The following CTNNA2 variants were observed in gnomAD, a reference collection of about 807,000 sequenced individuals.
CTNNA2 encodes the protein catenin alpha 2, also known as catenin alpha-2.
Under a neutral mutation model 101.0 loss-of-function variants are expected in CTNNA2, and 42 were observed. The ratio of observed to expected loss-of-function variants is 0.42; its 90% CI spans 0.32 to 0.54. The LOEUF is 0.54. Ranked by LOEUF, CTNNA2 falls within the 20% of genes least tolerant of loss-of-function variation. The probability of loss-of-function intolerance (pLI) is 0.14; values close to 1 mark genes in which losing one functional copy is unlikely to be tolerated. For missense variants in CTNNA2, 871 were observed against 1,223.1 expected (o/e 0.71, Z 4.29); for synonymous variants, 450 against 456.4 (o/e 0.99, Z 0.18).
chr2:79,192,462 A>G lies in CTNNA2; in HGVS notation c.-523-5497A>G, dbSNP rs144295997. On this transcript the variant is annotated intron_variant, in intron 1 of 21. Transcript: ENST00000466387. Reference sequence around the variant, plus strand: ...GGCCATGATGGTCTGGGTAGACATCAACTAACATGGAAAAGTCAAATATTT... The same window carrying G: ...GGCCATGATGGTCTGGGTAGACATCGACTAACATGGAAAAGTCAAATATTT... Among the ~76,000 whole-genome samples, 429 of 152,300 alleles carry G rather than the reference A, an allele frequency of 2.8e-3. 1 individual carries two copies. Among genetic ancestry groups the G allele is most frequent in the African/African-American group, 1.0e-2 (415 of 41,562 alleles).
At chr2:80,289,065 C>G (rs1675012571) in intron 7 of CTNNA2, 1 of 152,118 alleles carries the variant, frequency 6.6e-6, no homozygotes, top group South Asian at 2.1e-4. Flanking sequence ...GTTAATTAAG[C>G]CGAGATGGAT....
intron 7 of CTNNA2, among the ~76,000 whole-genome samples, chr2:80,360,337 A>G (rs1045919435): frequency 5.3e-5 from 8 of 152,150 alleles, no homozygotes; most frequent in Non-Finnish European, 8.8e-5. Flanking sequence ...AATACATAGT[A>G]TAGAGAGATG....
At chr2:79,694,101 C>T (rs1157432815) in intron 2 of CTNNA2, among the ~76,000 whole-genome samples, 3 of 151,906 alleles carry the variant, frequency 2.0e-5, no homozygotes, top group Non-Finnish European at 4.4e-5. Flanking sequence ...CTTCTTCTCA[C>T]TTAGACAACC....
chr2:79,584,576 G>A (rs971315084), intron 1 of CTNNA2, among the ~76,000 whole-genome samples: 2 of 150,752 alleles, frequency 1.3e-5, no homozygotes, highest in African/African-American at 4.9e-5. Flanking sequence ...CCAGGCTGGA[G>A]TGCAATGGCA....
chr2:80,342,640 T>A (rs951305564), intron 7 of CTNNA2, among the ~76,000 whole-genome samples: 106 of 152,362 alleles, frequency 7.0e-4, no homozygotes, highest in African/African-American at 2.4e-3. Flanking sequence ...TAATTTTTTT[T>A]AAAATCTTTC....
chr2:79,848,119 T>C (rs1372762484), intron 3 of CTNNA2, among the ~76,000 whole-genome samples: 1 of 152,148 alleles, frequency 6.6e-6, no homozygotes, highest in Non-Finnish European at 1.5e-5. Flanking sequence ...TTATTGAAAT[T>C]TGGGGTTTAT....
At chr2:80,159,914 C>A (rs1404217404) in intron 7 of CTNNA2, among the ~76,000 whole-genome samples, 1 of 152,070 alleles carries the variant, frequency 6.6e-6, no homozygotes, top group Non-Finnish European at 1.5e-5. Flanking sequence ...AGTCCTAGAT[C>A]CTAAAAATAT....
At chr2:80,448,136 C>T (rs1228129806) in intron 9 of CTNNA2, among the ~76,000 whole-genome samples, 1 of 152,158 alleles carries the variant, frequency 6.6e-6, no homozygotes, top group Non-Finnish European at 1.5e-5. Flanking sequence ...AGGCCCTGGG[C>T]TCTTTTCTAA....
intron 7 of CTNNA2, among the ~76,000 whole-genome samples, chr2:79,999,241 G>A (rs1692762395): frequency 6.6e-6 from 1 of 152,116 alleles, no homozygotes; most frequent in Non-Finnish European, 1.5e-5. Context: ...TACCATCCTG[G>A]TGCAGCCCTA....
Position 80,558,232 on chromosome 2 carries a change from A to G in CTNNA2, c.1741+2339A>G, listed in dbSNP as rs188972230. ...ACAATTTCTTTGGTATTTGTCCCCA[A>G]TTGTTCTTCTCTTTCTGAAACAGGA... On this transcript the variant is annotated intron_variant, in intron 12 of 18. Transcript: ENST00000402739. Among the ~76,000 whole-genome samples the G allele has an allele frequency of 7.2e-5, 11 of 152,310 alleles. No individual in the cohort carries two copies. In the East Asian group the frequency reaches 9.6e-4, roughly 13 times the overall value.
At position 80,478,111 on chromosome 2, in the gene CTNNA2, C is replaced by G. The variant is rs112390512; in HGVS notation, c.1290+58510C>G. On this transcript the variant is annotated intron_variant, in intron 9 of 18. Transcript: ENST00000402739. Reference sequence around the variant, plus strand: ...CTGGCTGGGGTAAGGTGGTGTCTCACTATAGTTTTAATTAGCATTTTCCAG... The same window carrying G: ...CTGGCTGGGGTAAGGTGGTGTCTCAGTATAGTTTTAATTAGCATTTTCCAG... Among the ~76,000 whole-genome samples the G allele has an allele frequency of 7.0e-3, 1,065 of 152,080 alleles. 13 individuals carry two copies. Among genetic ancestry groups the G allele is most frequent in the Non-Finnish European group, 0.012 (782 of 67,938 alleles).
chr2:80,037,008 A>T (rs1695711985), intron 7 of CTNNA2, among the ~76,000 whole-genome samples: 1 of 152,178 alleles, frequency 6.6e-6, no homozygotes, highest in Non-Finnish European at 1.5e-5. Flanking sequence ...TTCGTTGTAG[A>T]TATTGGTGAA....
intron 2 of CTNNA2, among the ~76,000 whole-genome samples, chr2:79,277,247 CT>C (rs1168979303): frequency 6.6e-6 from 1 of 151,934 alleles, no homozygotes; most frequent in Admixed American, 6.6e-5. Context: ...GTGGAAAATT[CT>C]TTTTTTTATT....
intron 4 of CTNNA2, among the ~76,000 whole-genome samples, chr2:79,422,080 G>T (rs1678545817): frequency 6.6e-6 from 1 of 152,140 alleles, no homozygotes; most frequent in African/African-American, 2.4e-5. Context: ...TTGAACCTGG[G>T]AGGGGGAGGT....
chr2:80,075,568 A>G (rs1389087598), intron 7 of CTNNA2, among the ~76,000 whole-genome samples: 1 of 135,282 alleles, frequency 7.4e-6, no homozygotes, highest in African/African-American at 2.9e-5. Flanking sequence ...TATAAATATT[A>G]TAAAATAATA....
chr2:79,925,499 C>G (rs960676770), intron 7 of CTNNA2, among the ~76,000 whole-genome samples: 2 of 152,054 alleles, frequency 1.3e-5, no homozygotes, highest in Non-Finnish European at 2.9e-5. Flanking sequence ...AAATTTAACA[C>G]CCATTCACCA....
At chr2:80,196,402 G>A (rs6547297) in intron 7 of CTNNA2, among the ~76,000 whole-genome samples, 1,585 of 152,204 alleles carry the variant, frequency 0.01, 26 homozygotes, top group African/African-American at 0.036. Flanking sequence ...CCCCTACCTC[G>A]TAACTTTCAG....
chr2:79,997,362 A>G (rs1692628298), intron 7 of CTNNA2, among the ~76,000 whole-genome samples: 1 of 151,132 alleles, frequency 6.6e-6, no homozygotes, highest in Admixed American at 6.6e-5. Context: ...GAAGGAAAAG[A>G]AAAAAGAAAA....
intron 7 of CTNNA2, among the ~76,000 whole-genome samples, chr2:79,940,700 A>G (rs937171342): frequency 7.9e-5 from 12 of 152,276 alleles, no homozygotes; most frequent in African/African-American, 2.9e-4. Flanking sequence ...TGCAAATGCA[A>G]CCTGTGGACC....
Sources: gnomAD v4.1 joint callset for allele counts (sites outside exome capture counted in the v4.1 genomes callset) on GRCh38, gnomAD v4.1.1 for gene constraint, MANE v1.5 for transcripts, NCBI Gene and HGNC (gene_info 2026-07-23, HGNC 2026-07-21) for gene names.